Variants in ZNF185 observed in about 807,000 individuals in gnomAD.
ZNF185 encodes zinc finger protein 185 with LIM domain.
A neutral mutation model predicts 58.6 loss-of-function variants in ZNF185; 56 were observed. The ratio of observed to expected loss-of-function variants is 0.95; its 90% CI spans 0.77 to 1.19. The LOEUF is 1.19. Ranked by LOEUF, ZNF185 falls within the 50% of genes most tolerant of loss-of-function variation. The pLI is 0.00. For missense variants in ZNF185, 627 were observed against 573.5 expected, an observed-to-expected ratio of 1.09 and a Z score of -0.95; for synonymous variants, 230 against 215.9, an observed-to-expected ratio of 1.07 and a Z score of -0.57.
intron 16 of ZNF185, among the ~76,000 whole-genome samples, chrX:152,951,085 A>ATTTTTT (rs57205058): frequency 7.6e-5 from 7 of 92,387 alleles, no homozygotes; most frequent in Admixed American, 2.5e-4. Context: ...ATGATCAAGA[A>ATTTTTT]TTTTTTTTTT....
intron 11 of ZNF185, among the ~76,000 whole-genome samples, chrX:152,925,878 C>A (rs1196832169): frequency 4.4e-5 from 5 of 112,611 alleles, no homozygotes; most frequent in African/African-American, 1.6e-4. Context: ...TCCCCACCCC[C>A]TGCCCTGCCC....
At chrX:152,959,831 C>G (rs1569515356) in exon 17 of ZNF185, 1 of 1,211,743 alleles carries the variant, frequency 8.3e-7, no homozygotes, top group Non-Finnish European at 1.1e-6. Flanking sequence ...ATCCCAGTAC[C>G]CCAGAACAGC....
the ZNF185 span, among the ~76,000 whole-genome samples, chrX:152,906,064 G>T: frequency 8.9e-6 from 1 of 112,446 alleles, no homozygotes; most frequent in African/African-American, 3.2e-5. Flanking sequence ...CACCCTTATC[G>T]AGTGGTAGGG....
chrX:152,934,764 G>T (rs1038659409), intron 14 of ZNF185, among the ~76,000 whole-genome samples: 2 of 112,186 alleles, frequency 1.8e-5, no homozygotes, highest in Non-Finnish European at 3.8e-5. Context: ...TACATGGTCA[G>T]TACAGATGCA....
At chrX:152,948,957 C>T (rs1275697974) in intron 16 of ZNF185, among the ~76,000 whole-genome samples, 1 of 111,608 alleles carries the variant, frequency 9.0e-6, no homozygotes, top group Non-Finnish European at 1.9e-5. Context: ...CTTACAGCAT[C>T]CTCCATGTAA....
intron 9 of ZNF185, among the ~76,000 whole-genome samples, chrX:152,921,767 A>G (rs1485126603): frequency 6.4e-5 from 7 of 110,133 alleles, no homozygotes; most frequent in African/African-American, 1.7e-4. Context: ...CTCGGCTTGT[A>G]CCTGCATCAC....
At chrX:152,909,886 G>A (rs1362632544), upstream of ZNF185, among the ~76,000 whole-genome samples, 4 of 106,984 alleles carry the variant, frequency 3.7e-5, no homozygotes, top group African/African-American at 1.4e-4. Context: ...CCTAGGCACT[G>A]CTTGCCTGGC....
chrX:152,962,586 G>C (rs782612811), intron 17 of ZNF185, among the ~76,000 whole-genome samples: 8 of 111,648 alleles, frequency 7.2e-5, no homozygotes, highest in African/African-American at 3.3e-5. Flanking sequence ...TCAGATTTTT[G>C]TGGGGCCTCC....
the ZNF185 span, among the ~76,000 whole-genome samples, chrX:152,907,861 A>T: frequency 8.8e-6 from 1 of 113,143 alleles, no homozygotes; most frequent in Non-Finnish European, 1.9e-5. Flanking sequence ...AAGCAGGATG[A>T]TATGGAGATT....
At chrX:152,945,735 G>A (rs2047721150) in intron 16 of ZNF185, among the ~76,000 whole-genome samples, 1 of 111,707 alleles carries the variant, frequency 9.0e-6, no homozygotes, top group Non-Finnish European at 1.9e-5. Flanking sequence ...CCAATGCATG[G>A]GGCAGGAAGG....
At chrX:152,918,093 G>A (rs781786737) in exon 6 of ZNF185, 60 of 1,191,607 alleles carry the variant, frequency 5.0e-5, no homozygotes, top group Non-Finnish European at 6.5e-5. Context: ...AACAGCTAAC[G>A]CTGGTCCTCC....
chrX:152,932,587 A>C (rs2045817606), intron 13 of ZNF185, among the ~76,000 whole-genome samples: 1 of 112,066 alleles, frequency 8.9e-6, no homozygotes, highest in African/African-American at 3.2e-5. Context: ...TACCAGACCC[A>C]CATGTCTTGC....
rs782524805 is a variant in ZNF185 at position 152,936,701 on chromosome X, G to C, written c.1122-1373G>C. The stretch of plus-strand genomic sequence containing the variant: ...CTGACCAGGGGCAGTGGAAGAAGAG[G>C]GATGGGTGATATGTCTGCTCACCCA... On this transcript the variant is annotated intron_variant, in intron 14 of 22. Transcript: ENST00000449285. Among the ~76,000 whole-genome samples, 34 of 110,772 alleles carry C rather than the reference G, an allele frequency of 3.1e-4. 1 individual carries two copies. Among genetic ancestry groups the C allele is most frequent in the Admixed American group, 2.9e-4 (3 of 10,406 alleles).
the ZNF185 span, among the ~76,000 whole-genome samples, chrX:152,905,990 G>C: frequency 8.9e-6 from 1 of 112,636 alleles, no homozygotes; most frequent in Non-Finnish European, 1.9e-5. Flanking sequence ...AGGAGGACTG[G>C]GGGGAAAGGT....
In ZNF185 at chrX:152,920,313, C is replaced by A. The variant is rs377662176; in HGVS notation, c.531-15C>A. 2.5e-6 allele frequency: 3 copies of A among 1,205,361 alleles called. No homozygotes were observed. Among genetic ancestry groups the A allele is most frequent in the Admixed American group, 4.4e-5 (2 of 45,627 alleles). On this transcript the variant is annotated splice_polypyrimidine_tract_variant and intron_variant, in intron 7 of 22. Coordinates refer to ENST00000449285, the Ensembl canonical transcript of ZNF185. ...TGGCACCCATCAGATGCTCCCCCATCCCGTGTCACCCCAGGTCAGAGGCTG... is the reference window on the plus strand; with the variant it reads ...TGGCACCCATCAGATGCTCCCCCATACCGTGTCACCCCAGGTCAGAGGCTG...
upstream of ZNF185, among the ~76,000 whole-genome samples, chrX:152,912,772 C>T (rs1420293575): frequency 1.8e-5 from 2 of 112,636 alleles, no homozygotes; most frequent in African/African-American, 6.5e-5. Flanking sequence ...GGTCTGTAGT[C>T]AGTCAGTGGC....
In ZNF185 at chrX:152,922,159, C is replaced by G; in HGVS notation, c.657-14C>G. 2 of 1,189,179 alleles carry G rather than the reference C, an allele frequency of 1.7e-6. No homozygotes were observed. Among genetic ancestry groups the G allele is most frequent in the Non-Finnish European group, 2.3e-6 (2 of 883,779 alleles). ...CAAGAAGACCACGAGCGCTGTTTCT[C>G]TTCTTGCTCAAAGGGTGGAGGTGGT... On this transcript the variant is annotated splice_polypyrimidine_tract_variant and intron_variant, in intron 9 of 22. Transcript: ENST00000449285.
intron 6 of ZNF185, among the ~76,000 whole-genome samples, chrX:152,918,587 AGCT>A (rs1197106222): frequency 8.9e-6 from 1 of 112,413 alleles, no homozygotes; most frequent in Non-Finnish European, 1.9e-5. Context: ...CCTAAATCTG[AGCT>A]GCTTCTTGGA....
Position 152,917,174 on chromosome X carries a change from G to T in ZNF185, c.263+5G>T, listed in dbSNP as rs781797074. ...TCCCACTGGCTACATCATCCGGTAAGTGACCGCAGGACTCTGCCGGCCTTC... is the reference window on the plus strand; with the variant it reads ...TCCCACTGGCTACATCATCCGGTAATTGACCGCAGGACTCTGCCGGCCTTC... On this transcript the variant is annotated splice_donor_5th_base_variant and intron_variant, in intron 4 of 22. Transcript: ENST00000449285. The T allele has an allele frequency of 5.0e-6, 6 of 1,209,924 alleles. 1 individual carries two copies. The highest frequency in any genetic ancestry group is 1.7e-5 in the African/African-American group (1 of 57,306).
Sources: gnomAD v4.1 joint callset for allele counts (sites outside exome capture counted in the v4.1 genomes callset) on GRCh38, gnomAD v4.1.1 for gene constraint, MANE v1.5 for transcripts, NCBI Gene and HGNC (gene_info 2026-07-23, HGNC 2026-07-21) for gene names.